Variants in TRAF3 observed in about 807,000 individuals in gnomAD.
TRAF3 encodes the protein TNF receptor associated factor 3.
A neutral mutation model predicts 62.3 loss-of-function variants in TRAF3; 13 were observed. The observed-to-expected ratio is 0.21, with a 90% CI of 0.14 to 0.33. TRAF3 has a LOEUF of 0.33. Among genes scored for constraint, TRAF3 ranks in the 10% least tolerant of loss-of-function variants. TRAF3 has a pLI of 1.00. For synonymous variants in TRAF3, 269 were observed against 283.4 expected (o/e 0.95, Z 0.51); for missense variants, 440 against 741.8 (o/e 0.59, Z 4.73).
intron 6 of TRAF3, among the ~76,000 whole-genome samples, chr14:102,883,860 C>T (rs12590238): frequency 1.3e-5 from 2 of 152,158 alleles, no homozygotes; most frequent in South Asian, 4.1e-4. Flanking sequence ...TGCTGGGCTT[C>T]CGCACCCGGC....
chr14:102,788,504 TAAAG>T (rs1480941186), intron 1 of TRAF3, among the ~76,000 whole-genome samples: 1 of 151,696 alleles, frequency 6.6e-6, no homozygotes, highest in Non-Finnish European at 1.5e-5. Flanking sequence ...TCAACAAAAA[TAAAG>T]AATTAGCTTG....
chr14:102,901,315 G>C (rs1890287733), intron 10 of TRAF3, among the ~76,000 whole-genome samples: 1 of 152,134 alleles, frequency 6.6e-6, no homozygotes, highest in Non-Finnish European at 1.5e-5. Flanking sequence ...AGCTTGTCTT[G>C]GGCCACCCTG....
chr14:102,898,930 C>T (rs935997585), intron 10 of TRAF3, among the ~76,000 whole-genome samples: 7 of 152,192 alleles, frequency 4.6e-5, no homozygotes, highest in Non-Finnish European at 7.3e-5. Context: ...GTGACGGCAG[C>T]GGTCAGTGTC....
intron 2 of TRAF3, among the ~76,000 whole-genome samples, chr14:102,850,682 T>C: frequency 8.6e-6 from 1 of 115,650 alleles, no homozygotes. Flanking sequence ...AGAGTGAGAC[T>C]CCGTCTAAAA....
intron 2 of TRAF3, among the ~76,000 whole-genome samples, chr14:102,834,791 AAACCCTGCAAGAC>A (rs1235426818): frequency 1.3e-5 from 2 of 152,132 alleles, no homozygotes; most frequent in African/African-American, 4.8e-5. Flanking sequence ...AAAACTATAA[AAACCCTGCAAGAC>A]AACCTAGGCA....
intron 6 of TRAF3, 68 bp downstream of exon 6, chr14:102,876,593 C>A (rs968255928): frequency 1.2e-5 from 19 of 1,574,640 alleles, no homozygotes; most frequent in Admixed American, 3.6e-5. Flanking sequence ...AGGCCTTCCG[C>A]TCAATTCGTA....
intron 6 of TRAF3, among the ~76,000 whole-genome samples, chr14:102,881,520 T>C (rs769890431): frequency 7.2e-5 from 11 of 152,090 alleles, no homozygotes; most frequent in South Asian, 2.1e-4. Context: ...TTCTCACTTA[T>C]AAGAGAGAGC....
At chr14:102,862,534 A>G (rs749319269) in intron 2 of TRAF3, among the ~76,000 whole-genome samples, 8 of 152,144 alleles carry the variant, frequency 5.3e-5, no homozygotes, top group Non-Finnish European at 1.2e-4. Context: ...TTGTACTTGA[A>G]GAGTCACTTC....
In TRAF3 at chr14:102,880,625, T is replaced by C. The variant is rs138614833; in HGVS notation, c.570+4100T>C. Among the ~76,000 whole-genome samples, 867 of 152,312 alleles carry C rather than the reference T, an allele frequency of 5.7e-3. 9 individuals carry two copies. The highest frequency in any genetic ancestry group is 9.9e-3 in the Admixed American group (151 of 15,306). On this transcript the variant is annotated intron_variant, in intron 6 of 11. Coordinates refer to ENST00000392745, the MANE Select transcript of TRAF3 (RefSeq NM_145725.3). ...ATTACTGGGTATATACCCAAAGGAATATAAATCATTCTATTATAAGGATAC... is the reference window on the plus strand; with the variant it reads ...ATTACTGGGTATATACCCAAAGGAACATAAATCATTCTATTATAAGGATAC...
Position 102,778,995 on chromosome 14 carries a change from TAAG to T in TRAF3, c.-157+1323_-157+1325del, listed in dbSNP as rs140823745. Among the ~76,000 whole-genome samples the T allele has an allele frequency of 4.4e-3, 666 of 152,356 alleles. 4 individuals carry two copies. Among genetic ancestry groups the T allele is most frequent in the African/African-American group, 0.015 (629 of 41,576 alleles). ...CGCCGCGTTGTGACAATGTAAATGT[TAAG>T]AATTAGTCTAAAGATGAAAATTCTT... On this transcript the variant is annotated intron_variant, in intron 1 of 11. Transcript: ENST00000392745.
intron 1 of TRAF3, among the ~76,000 whole-genome samples, chr14:102,804,380 AG>A (rs1270165927): frequency 1.3e-5 from 2 of 152,184 alleles, no homozygotes; most frequent in Admixed American, 6.5e-5. Flanking sequence ...GAAAATTATC[AG>A]TATGTCCCTA....
chr14:102,881,431 T>G (rs1373268580), intron 6 of TRAF3, among the ~76,000 whole-genome samples: 1 of 151,142 alleles, frequency 6.6e-6, no homozygotes, highest in Non-Finnish European at 1.5e-5. Context: ...AAGGAGATCA[T>G]CTACTTTGCA....
At chr14:102,799,912 C>A (rs1898291633) in intron 1 of TRAF3, among the ~76,000 whole-genome samples, 2 of 152,094 alleles carry the variant, frequency 1.3e-5, no homozygotes, top group Non-Finnish European at 2.9e-5. Context: ...ATGCTGTGAT[C>A]CCCAGAACCT....
chr14:102,836,678 A>G (rs1488582994), intron 2 of TRAF3, among the ~76,000 whole-genome samples: 1 of 152,212 alleles, frequency 6.6e-6, no homozygotes, highest in African/African-American at 2.4e-5. Context: ...TTGATTATGA[A>G]GTAAATTTAT....
chr14:102,858,375 A>G (rs962397206), intron 2 of TRAF3, among the ~76,000 whole-genome samples: 4 of 151,934 alleles, frequency 2.6e-5, no homozygotes, highest in Admixed American at 6.6e-5. Context: ...CTGGTCTCGA[A>G]CTCCCAACCT....
chr14:102,888,260 C>A (rs1490777808), intron 7 of TRAF3, among the ~76,000 whole-genome samples: 1 of 152,236 alleles, frequency 6.6e-6, no homozygotes, highest in East Asian at 1.9e-4. Flanking sequence ...TGTCACGTGC[C>A]TTGTGGGCGC....
chr14:102,818,773 A>T (rs2139563493), intron 1 of TRAF3, among the ~76,000 whole-genome samples: 2 of 152,312 alleles, frequency 1.3e-5, no homozygotes, highest in East Asian at 3.9e-4. Flanking sequence ...GCCATGGATG[A>T]TAATCATGTA....
intron 6 of TRAF3, among the ~76,000 whole-genome samples, chr14:102,879,932 C>A (rs1888951320): frequency 6.6e-6 from 1 of 152,024 alleles, no homozygotes; most frequent in African/African-American, 2.4e-5. Flanking sequence ...GCATGGGCAA[C>A]ATAGCAAGAC....
chr14:102,800,372 G>C (rs74086117), intron 1 of TRAF3, among the ~76,000 whole-genome samples: 1 of 152,206 alleles, frequency 6.6e-6, no homozygotes, highest in Admixed American at 6.5e-5. Context: ...ATTTAAGTGT[G>C]AGAAGCACCG....
Sources: allele counts gnomAD v4.1 joint callset (sites outside exome capture counted in the v4.1 genomes callset), GRCh38; gene constraint gnomAD v4.1.1; transcripts MANE v1.5; gene names NCBI Gene and HGNC (gene_info 2026-07-23, HGNC 2026-07-21).